The following F2R variants were observed in gnomAD, a reference collection of about 807,000 sequenced individuals.
The protein encoded by F2R is proteinase-activated receptor 1.
F2R carries 12 observed loss-of-function variants against 18.3 expected under a neutral mutation model. The observed-to-expected ratio is 0.66, with a 90% CI of 0.42 to 1.06. The LOEUF is 1.06. Ranked by LOEUF, F2R falls within the 50% of genes least tolerant of loss-of-function variation. The probability of loss-of-function intolerance (pLI) is 0.00; values close to 1 mark genes in which losing one functional copy is unlikely to be tolerated. For synonymous variants in F2R, 210 were observed against 219.9 expected (o/e 0.95, Z 0.40); for missense variants, 438 against 530.8 (o/e 0.83, Z 1.72).
Position 76,734,712 on chromosome 5 carries a change from T to A in F2R, c.*1209T>A. The A allele has an allele frequency of 6.6e-6, 1 of 152,384 alleles. No homozygotes were observed. Among genetic ancestry groups the A allele is most frequent in the East Asian group, 1.9e-4 (1 of 5,342 alleles). The allele number at this position is 152,384 out of a possible 1,614,324, so 9.4% of individuals were successfully genotyped here. On this transcript the variant is annotated 3_prime_UTR_variant, in exon 2 of 2. Transcript: ENST00000319211. The stretch of plus-strand genomic sequence containing the variant: ...AAAGTAGATCATGCATAGAGTGTGA[T>A]GTATGTGTAATAAATATGTTTCACA...
intron 1 of F2R, among the ~76,000 whole-genome samples, chr5:76,727,751 T>C (rs1748595107): frequency 6.6e-6 from 1 of 151,712 alleles, no homozygotes; most frequent in Admixed American, 6.6e-5. Context: ...TTCATTTCTA[T>C]AAAATATTTT....
chr5:76,717,311 C>T (rs1748364738), intron 1 of F2R, among the ~76,000 whole-genome samples: 1 of 152,244 alleles, frequency 6.6e-6, no homozygotes, highest in Non-Finnish European at 1.5e-5. Context: ...CCTGTAAAGG[C>T]GCTAATTAGA....
rs1449705333 is a variant in F2R, at chr5:76,735,705, T to A, written c.*2202T>A. ...ATTAATGTACTTACAAAATAGTATG[T>A]CACTGTTTTTATGTTCATTCTTAAA... On this transcript the variant is annotated 3_prime_UTR_variant, in exon 2 of 2. Coordinates refer to ENST00000319211, the MANE Select transcript of F2R (RefSeq NM_001992.5). The A allele has an allele frequency of 1.3e-5, 2 of 152,226 alleles. No homozygotes were observed. Among genetic ancestry groups the A allele is most frequent in the African/African-American group, 4.8e-5 (2 of 41,458 alleles). The allele number at this position is 152,226 out of a possible 1,614,324, so 9.4% of individuals were successfully genotyped here.
intron 1 of F2R, among the ~76,000 whole-genome samples, chr5:76,728,456 C>T (rs1237737128): frequency 2.0e-5 from 3 of 152,084 alleles, no homozygotes; most frequent in East Asian, 1.9e-4. Context: ...ATTTGTCTTT[C>T]GGTGCCTGCC....
intron 1 of F2R, 150 bp downstream of exon 1, chr5:76,716,545 C>A: frequency 2.7e-6 from 2 of 747,542 alleles, no homozygotes; most frequent in South Asian, 3.7e-5. Flanking sequence ...TTTTTCCAGT[C>A]ACGTTTAGGT....
At chr5:76,726,907 C>G (rs1748571645) in intron 1 of F2R, among the ~76,000 whole-genome samples, 1 of 152,188 alleles carries the variant, frequency 6.6e-6, no homozygotes, top group Non-Finnish European at 1.5e-5. Flanking sequence ...GTACCAAGGT[C>G]AGGCTTCTGT....
intron 1 of F2R, among the ~76,000 whole-genome samples, chr5:76,723,665 A>T (rs1748508479): frequency 6.6e-6 from 1 of 152,254 alleles, no homozygotes; most frequent in African/African-American, 2.4e-5. Context: ...CAATCTTCAC[A>T]CAAGCATGCA....
rs1464903756 is a variant in F2R, at chr5:76,728,580, T to TATTC, written c.89-3719_89-3716dup. Among the ~76,000 whole-genome samples the TATTC allele has an allele frequency of 2.0e-5, 3 of 152,174 alleles. No homozygotes were observed. In the East Asian group the frequency reaches 5.8e-4, roughly 29 times the overall value. On this transcript the variant is annotated intron_variant, in intron 1 of 1. Transcript: ENST00000319211. Reference sequence around the variant, plus strand: ...CACTGTGTATATACATCATATTTTTTATTCATTCATTCATTCATCAGTGGA... The same window carrying TATTC: ...CACTGTGTATATACATCATATTTTTTATTCATTCATTCATTCATTCATCAGTGGA...
chr5:76,716,576 C>T (rs1748347427), intron 1 of F2R, 181 bp downstream of exon 1: 3 of 681,616 alleles, frequency 4.4e-6, no homozygotes, highest in Admixed American at 5.3e-5. Context: ...ACCCCCTTCG[C>T]GGGCCCAGCC....
Position 76,734,193 on chromosome 5 carries a change from C to G in F2R, c.*690C>G, listed in dbSNP as rs1441545058. 1 of 152,410 alleles carries G rather than the reference C, an allele frequency of 6.6e-6. No homozygotes were observed. The highest frequency in any genetic ancestry group is 2.4e-5 in the African/African-American group (1 of 41,454). 9.4% of individuals were successfully genotyped at this position (152,410 alleles called of 1,614,324 possible). A position where few individuals can be genotyped will look rare whatever the true frequency, so the allele number is the denominator to read the frequency against. On this transcript the variant is annotated 3_prime_UTR_variant, in exon 2 of 2. Coordinates refer to ENST00000319211, the MANE Select transcript of F2R (RefSeq NM_001992.5). ...TATGGGTAGTATTTTTTACATTTTA[C>G]ACACTGTACACATAAGCCAAAACTG... is the stretch of plus-strand genomic sequence containing the variant.
In F2R at chr5:76,732,403, G is replaced by A. The variant is rs1247639635; in HGVS notation, c.178G>A (p.Glu60Lys). ...DKYEPFWEDE[E>K]KNESGLTEYR... ...ATATGAACCATTTTGGGAGGATGAG[G>A]AGAAAAATGAAAGTGGGTTAACTGA... The change falls in exon 2 of 2, where the codon GAG becomes AAG. Residue 60 changes from glutamate (E) to lysine (K), a missense_variant. Transcript: ENST00000319211. 3 of 1,614,018 alleles carry A rather than the reference G, an allele frequency of 1.9e-6. No individual in the cohort carries two copies. The highest frequency in any genetic ancestry group is 2.5e-6 in the Non-Finnish European group (3 of 1,180,040).
intron 1 of F2R, among the ~76,000 whole-genome samples, chr5:76,719,617 T>C (rs1748409364): frequency 6.6e-6 from 1 of 151,002 alleles, no homozygotes; most frequent in South Asian, 2.1e-4. Context: ...AATTGGGAGT[T>C]GACCACAGGC....
chr5:76,729,297 A>T (rs1368753757), intron 1 of F2R, among the ~76,000 whole-genome samples: 1 of 152,126 alleles, frequency 6.6e-6, no homozygotes, highest in Non-Finnish European at 1.5e-5. Context: ...GGCCATTTGT[A>T]TGTCTTCTTT....
intron 1 of F2R, among the ~76,000 whole-genome samples, chr5:76,731,001 G>A (rs997964245): frequency 9.2e-5 from 14 of 152,200 alleles, no homozygotes; most frequent in African/African-American, 3.1e-4. Context: ...CTACCTTCCA[G>A]GAACCTCCAT....
At chr5:76,724,871 A>T (rs567514012) in intron 1 of F2R, among the ~76,000 whole-genome samples, 1 of 152,332 alleles carries the variant, frequency 6.6e-6, no homozygotes, top group East Asian at 1.9e-4. Flanking sequence ...AGTTCTTTTC[A>T]TTGGAAAATG....
At position 76,732,578 on chromosome 5, in the gene F2R, C is replaced by T; in HGVS notation, c.353C>T (p.Pro118Leu). ...ACCGGAGTGTTTGTAGTCAGCCTCC[C>T]ACTAAACATCATGGCCATCGTTGTG... ...VYTGVFVVSL[P>L]LNIMAIVVFI... Residue 118 changes from proline to leucine, a missense_variant, in exon 2 of 2, where the codon CCA (proline) becomes CTA (leucine). Pro to Leu is a moderately conservative substitution (Grantham distance 98). Coordinates refer to ENST00000319211, the MANE Select transcript of F2R (RefSeq NM_001992.5). 6.2e-7 allele frequency: 1 copy of T among 1,614,192 alleles called. No individual in the cohort carries two copies. Among genetic ancestry groups the T allele is most frequent in the Admixed American group, 1.7e-5 (1 of 60,024 alleles).
chr5:76,724,476 G>A (rs1748521112), intron 1 of F2R, among the ~76,000 whole-genome samples: 2 of 152,106 alleles, frequency 1.3e-5, no homozygotes, highest in African/African-American at 4.8e-5. Context: ...GTTCAAACAA[G>A]GTCCACCATT....
chr5:76,723,100 T>C (rs1245695240), intron 1 of F2R, among the ~76,000 whole-genome samples: 2 of 152,228 alleles, frequency 1.3e-5, no homozygotes, highest in African/African-American at 4.8e-5. Context: ...CTGCTATCTC[T>C]CTCCTGTGTG....
rs1486639607 is a variant in F2R, at chr5:76,732,763, G to A, written c.538G>A (p.Ala180Thr). The A allele has an allele frequency of 6.2e-7, 1 of 1,614,174 alleles. No homozygotes were observed. The highest frequency in any genetic ancestry group is 8.5e-7 in the Non-Finnish European group (1 of 1,180,038). ...FGSELCRFVT[A>T]AFYCNMYASI... Reference sequence around the variant, plus strand: ...GTCTGAATTGTGTCGCTTCGTCACTGCAGCATTTTACTGTAACATGTACGC... The same window carrying A: ...GTCTGAATTGTGTCGCTTCGTCACTACAGCATTTTACTGTAACATGTACGC... The change falls in exon 2 of 2, where the codon GCA becomes ACA. Residue 180 changes from alanine to threonine, a missense_variant. By Grantham distance (58) the Ala-to-Thr change is moderately conservative (BLOSUM62 0). Coordinates refer to ENST00000319211, the MANE Select transcript of F2R (RefSeq NM_001992.5).
Sources: allele counts gnomAD v4.1 joint callset (sites outside exome capture counted in the v4.1 genomes callset), GRCh38; gene constraint gnomAD v4.1.1; transcripts MANE v1.5; gene names NCBI Gene and HGNC (gene_info 2026-07-23, HGNC 2026-07-21).